RAI14: variants seen among roughly 807,000 people sequenced by gnomAD.
The protein encoded by RAI14 is ankycorbin.
Under a neutral mutation model 115.4 loss-of-function variants are expected in RAI14, and 45 were observed. The ratio of observed to expected loss-of-function variants is 0.39; its 90% CI spans 0.31 to 0.50. The LOEUF is 0.50. Ranked by LOEUF, RAI14 falls within the 20% of genes least tolerant of loss-of-function variation. The pLI is 0.85. For synonymous variants in RAI14, 371 were observed against 415.4 expected (o/e 0.89, Z 1.30); for missense variants, 939 against 1,131.2 (o/e 0.83, Z 2.44).
chr5:34,708,213 T>G (rs1740949129), intron 2 of RAI14, among the ~76,000 whole-genome samples: 1 of 151,910 alleles, frequency 6.6e-6, no homozygotes, highest in Non-Finnish European at 1.5e-5. Flanking sequence ...TTTTGTTTTT[T>G]TTTTTTGAGA....
In RAI14 at chr5:34,828,104, G is replaced by A. The variant is rs76255789; in HGVS notation, c.2799+1625G>A. 5.0e-3 allele frequency among the ~76,000 whole-genome samples: 764 copies of A among 152,318 alleles called. 6 individuals are homozygous for A. Among genetic ancestry groups the A allele is most frequent in the African/African-American group, 0.017 (723 of 41,576 alleles). On this transcript the variant is annotated intron_variant, in intron 16 of 17. Transcript: ENST00000265109. Reference sequence around the variant, plus strand: ...GGAGGGTAGAATCTGGACCGCAGTAGACTGGCTGCTAGAGAAGTAAGTAAG... The same window carrying A: ...GGAGGGTAGAATCTGGACCGCAGTAAACTGGCTGCTAGAGAAGTAAGTAAG...
intron 1 of RAI14, among the ~76,000 whole-genome samples, chr5:34,680,589 C>A (rs1032568084): frequency 6.6e-6 from 1 of 152,134 alleles, no homozygotes; most frequent in Admixed American, 6.6e-5. Context: ...CCATAGCTTA[C>A]GGGACCACTT....
intron 4 of RAI14, among the ~76,000 whole-genome samples, chr5:34,798,823 G>A (rs1190424473): frequency 6.6e-6 from 1 of 152,246 alleles, no homozygotes; most frequent in Non-Finnish European, 1.5e-5. Context: ...GGATTCGCCA[G>A]TGGGAACCAA....
intron 15 of RAI14, among the ~76,000 whole-genome samples, chr5:34,824,957 A>C (rs1192990408): frequency 6.6e-6 from 1 of 150,972 alleles, no homozygotes; most frequent in African/African-American, 2.4e-5. Context: ...AAAAAAAAAA[A>C]AAAAAAAAAA....
intron 2 of RAI14, among the ~76,000 whole-genome samples, chr5:34,708,201 G>T (rs1177234646): frequency 2.7e-5 from 4 of 147,370 alleles, no homozygotes; most frequent in Non-Finnish European, 3.0e-5. Flanking sequence ...GGAACTTTGG[G>T]TTTTTGTTTT....
At chr5:34,783,279 T>A (rs1350867709) in intron 3 of RAI14, among the ~76,000 whole-genome samples, 1 of 152,202 alleles carries the variant, frequency 6.6e-6, no homozygotes, top group African/African-American at 2.4e-5. Context: ...AGTAGGTGGC[T>A]GTGTTCAATG....
chr5:34,701,592 G>A (rs1446826171), intron 2 of RAI14, among the ~76,000 whole-genome samples: 2 of 152,128 alleles, frequency 1.3e-5, no homozygotes, highest in African/African-American at 4.8e-5. Flanking sequence ...CTACAGCCTG[G>A]AAGGCTGCTC....
intron 3 of RAI14, among the ~76,000 whole-genome samples, chr5:34,764,906 C>T (rs1251119641): frequency 1.3e-5 from 2 of 152,088 alleles, no homozygotes; most frequent in African/African-American, 4.8e-5. Flanking sequence ...TCCCATAATT[C>T]CCATGTGTTG....
chr5:34,737,748 G>A (rs1745045941), intron 2 of RAI14, among the ~76,000 whole-genome samples: 1 of 152,126 alleles, frequency 6.6e-6, no homozygotes, highest in Admixed American at 6.5e-5. Context: ...GACAGAGTGA[G>A]ACCCTCTCTC....
intron 2 of RAI14, among the ~76,000 whole-genome samples, chr5:34,749,742 C>T (rs933023034): frequency 1.2e-4 from 18 of 152,192 alleles, no homozygotes; most frequent in South Asian, 4.1e-4. Context: ...TCCCACATGC[C>T]GCCCTTCATA....
intron 2 of RAI14, among the ~76,000 whole-genome samples, chr5:34,695,386 G>T (rs1243753705): frequency 1.3e-5 from 2 of 152,186 alleles, no homozygotes; most frequent in African/African-American, 4.8e-5. Flanking sequence ...AGCCAGTGGG[G>T]CAGCTCTGCT....
rs568544356 is a variant in RAI14 at position 34,708,264 on chromosome 5, G to A, written c.36+21309G>A. 8.6e-3 allele frequency among the ~76,000 whole-genome samples: 1,301 copies of A among 151,136 alleles called. 6 individuals are homozygous for A. The highest frequency in any genetic ancestry group is 0.014 in the Admixed American group (213 of 15,174). On this transcript the variant is annotated intron_variant, in intron 2 of 17. Coordinates refer to ENST00000265109, the MANE Select transcript of RAI14 (RefSeq NM_015577.3). ...GTTGCCCAGGCTGGGGTGCAATGGC[G>A]CGATCTCGGCTCACTGCAACCTCTG...
intron 2 of RAI14, among the ~76,000 whole-genome samples, chr5:34,732,694 T>C (rs1196294448): frequency 6.6e-6 from 1 of 151,190 alleles, no homozygotes; most frequent in Non-Finnish European, 1.5e-5. Flanking sequence ...CCTCCTGGCC[T>C]CCCAAAGTGC....
intron 2 of RAI14, among the ~76,000 whole-genome samples, chr5:34,716,414 T>A (rs1214050889): frequency 1.3e-5 from 2 of 151,812 alleles, no homozygotes; most frequent in East Asian, 3.9e-4. Flanking sequence ...TGGGTTAATT[T>A]TTTTTTTTTT....
At chr5:34,788,103 A>C (rs1752530737) in intron 3 of RAI14, among the ~76,000 whole-genome samples, 1 of 151,012 alleles carries the variant, frequency 6.6e-6, no homozygotes, top group South Asian at 2.1e-4. Context: ...TTTTTTTGTA[A>C]AGACAGGATT....
intron 3 of RAI14, among the ~76,000 whole-genome samples, chr5:34,795,265 G>T (rs1477677016): frequency 6.6e-6 from 1 of 152,168 alleles, no homozygotes; most frequent in African/African-American, 2.4e-5. Context: ...TTAATGGTGG[G>T]CTTTCTCTAA....
intron 3 of RAI14, among the ~76,000 whole-genome samples, chr5:34,763,307 A>G (rs781273657): frequency 5.1e-4 from 77 of 152,148 alleles, no homozygotes; most frequent in South Asian, 1.2e-3. Flanking sequence ...TAAAACCACT[A>G]CATGTTATTT....
intron 2 of RAI14, among the ~76,000 whole-genome samples, chr5:34,694,146 A>G (rs1738953935): frequency 5.9e-5 from 9 of 152,244 alleles, no homozygotes; most frequent in Admixed American, 5.9e-4. Flanking sequence ...AACTTGGGGA[A>G]ATCTCCTAGT....
In RAI14 at chr5:34,823,699, G is replaced by A; in HGVS notation, c.1857G>A (p.Met619Ile). 1 of 1,614,138 alleles carries A rather than the reference G, an allele frequency of 6.2e-7. No homozygotes were observed. The highest frequency in any genetic ancestry group is 1.7e-5 in the Admixed American group (1 of 60,012). Reference sequence around the variant, plus strand: ...TAAAAGACACACTAAAAAGTCAGATGACACAGGAAGCCAGTGATGAAGCTG... The same window carrying A: ...TAAAAGACACACTAAAAAGTCAGATAACACAGGAAGCCAGTGATGAAGCTG... ...MKLKDTLKSQMTQEASDEAED... is the reference protein window; with the variant it reads ...MKLKDTLKSQITQEASDEAED... Residue 619 changes from methionine (M) to isoleucine (I), a missense_variant, in exon 15 of 18, where the codon ATG becomes ATA. Coordinates refer to ENST00000265109, the MANE Select transcript of RAI14 (RefSeq NM_015577.3). This position sits in a 1 kb window ranked among gnomAD's most constrained non-coding sequence, Gnocchi z 4.5.
Sources: allele counts gnomAD v4.1 joint callset (sites outside exome capture counted in the v4.1 genomes callset), GRCh38; gene constraint gnomAD v4.1.1; non-coding constraint Gnocchi (gnomAD v3.1); transcripts MANE v1.5; gene names NCBI Gene and HGNC (gene_info 2026-07-23, HGNC 2026-07-21).